Variants in NPAS1 observed in about 807,000 individuals in gnomAD.
NPAS1 encodes the protein neuronal PAS domain-containing protein 1.
Under a neutral mutation model 49.2 loss-of-function variants are expected in NPAS1, and 29 were observed. The observed-to-expected ratio is 0.59, with a 90% CI of 0.44 to 0.80. The LOEUF is 0.80. Among genes scored for constraint, NPAS1 ranks in the 30% least tolerant of loss-of-function variants. The pLI is 0.00. For synonymous variants in NPAS1, 408 were observed against 380.4 expected (o/e 1.07, Z -0.84); for missense variants, 825 against 835.5 (o/e 0.99, Z 0.15).
rs201170173 is a variant in NPAS1 at position 47,031,181 on chromosome 19, T to TTGTG, written c.359-1087_359-1084dup. On this transcript the variant is annotated intron_variant, in intron 3 of 11. Coordinates refer to ENST00000602212, the MANE Select transcript of NPAS1 (RefSeq NM_002517.4). ...GGTAATTCCATATTTGTTAGTTTCT[T>TTGTG]TGTGTGTGTGTGTTTTTTTTTTTTT... Among the ~76,000 whole-genome samples, 138 of 141,056 alleles carry TTGTG rather than the reference T, an allele frequency of 9.8e-4. 20 individuals carry two copies. Among genetic ancestry groups the TTGTG allele is most frequent in the Middle Eastern group, 3.5e-3 (1 of 282 alleles). The allele number at this position is 141,056 out of a possible 152,430, so 92.5% of individuals were successfully genotyped here.
At chr19:47,036,628 T>C (rs1444896151) in intron 6 of NPAS1, among the ~76,000 whole-genome samples, 2 of 151,470 alleles carry the variant, frequency 1.3e-5, no homozygotes, top group African/African-American at 4.9e-5. Context: ...CCCCAGCACT[T>C]TGGGAGGCCG....
chr19:47,022,521 C>T (rs1196082138), intron 3 of NPAS1, among the ~76,000 whole-genome samples: 1 of 152,028 alleles, frequency 6.6e-6, no homozygotes, highest in African/African-American at 2.4e-5. Context: ...CTGGAAGTGC[C>T]TAGCTCAGAG....
At position 47,020,902 on chromosome 19, in the gene NPAS1, C is replaced by A. The variant is rs990899204; in HGVS notation, c.-42-104C>A. ...ACTGAGGCATCATCCAGGCCCCCCC[C>A]CCCCCAGCTCCTTGCTGGGACCCTG... is the stretch of plus-strand genomic sequence containing the variant. On this transcript the variant is annotated intron_variant, in intron 1 of 11. Transcript: ENST00000602212. 1.4e-4 allele frequency: 58 copies of A among 405,114 alleles called. 3 individuals are homozygous for A. Among genetic ancestry groups the A allele is most frequent in the East Asian group, 2.8e-4 (7 of 24,740 alleles). 25.1% of individuals were successfully genotyped at this position (405,114 alleles called of 1,614,324 possible).
At chr19:47,038,990 G>A in intron 6 of NPAS1, 46 bp from the exon 7 acceptor site, 2 of 1,561,102 alleles carry the variant, frequency 1.3e-6, no homozygotes, top group Non-Finnish European at 1.8e-6. Context: ...TGGCCTGTGT[G>A]TTTCCTCTTC....
intron 7 of NPAS1, 77 bp downstream of exon 7, chr19:47,039,228 G>C: frequency 6.7e-7 from 1 of 1,487,558 alleles, no homozygotes; most frequent in East Asian, 2.3e-5. Context: ...GAACCAGGCT[G>C]GTGGCTTCAC....
At position 47,045,430 on chromosome 19, in the gene NPAS1, G is replaced by T. The variant is rs1568513284; in HGVS notation, c.1552G>T (p.Asp518Tyr). ...VRPWGLAPPG[D>Y]PPPTLLHAGF... ...GCCATGGGGCCTGGCGCCTCCCGGGGACCCCCCGCCCACCCTCCTGCACGC... is the reference window on the plus strand; with the variant it reads ...GCCATGGGGCCTGGCGCCTCCCGGGTACCCCCCGCCCACCCTCCTGCACGC... The change falls in exon 12 of 12, where the codon GAC becomes TAC. Residue 518 changes from aspartate (D) to tyrosine (Y), a missense_variant. Physicochemically the swap from Asp to Tyr is radical, Grantham distance 160. Coordinates refer to ENST00000602212, the MANE Select transcript of NPAS1 (RefSeq NM_002517.4). 6.2e-7 allele frequency: 1 copy of T among 1,605,064 alleles called. No homozygotes were observed. The highest frequency in any genetic ancestry group is 8.5e-7 in the Non-Finnish European group (1 of 1,176,628).
chr19:47,040,736 T>TG (rs1430075916), intron 9 of NPAS1, 186 bp downstream of exon 9: 12 of 584,588 alleles, frequency 2.1e-5, no homozygotes, highest in South Asian at 4.2e-5. Context: ...AGGATGTGTG[T>TG]GTGGGGGGGG....
At chr19:47,040,749 TCTGGGGGG>T in intron 9 of NPAS1, 199 bp downstream of exon 9, 1 of 561,190 alleles carries the variant, frequency 1.8e-6, no homozygotes, top group Non-Finnish European at 3.1e-6. Context: ...GGGGGGGGGG[TCTGGGGGG>T]CTGTGGGGTC....
chr19:47,032,037 G>C (rs949293631), intron 3 of NPAS1, among the ~76,000 whole-genome samples: 2 of 152,050 alleles, frequency 1.3e-5, no homozygotes, highest in African/African-American at 4.8e-5. Flanking sequence ...ATGGGTGGAT[G>C]AATGAATGAG....
At chr19:47,031,193 GTT>G (rs780068160) in intron 3 of NPAS1, among the ~76,000 whole-genome samples, 52 of 142,532 alleles carry the variant, frequency 3.6e-4, no homozygotes, top group Middle Eastern at 3.7e-3. Context: ...GTGTGTGTGT[GTT>G]TTTTTTTTTT....
chr19:47,023,066 AG>A (rs961076734), intron 3 of NPAS1, among the ~76,000 whole-genome samples: 7 of 152,178 alleles, frequency 4.6e-5, no homozygotes, highest in African/African-American at 1.2e-4. Flanking sequence ...CCAGGGGAAG[AG>A]GGGGGAGAGA....
intron 3 of NPAS1, among the ~76,000 whole-genome samples, chr19:47,023,707 CT>C (rs561034242): frequency 1.3e-5 from 2 of 152,288 alleles, no homozygotes; most frequent in Admixed American, 1.3e-4. Flanking sequence ...AATCCCAGCA[CT>C]TTGGGGCGCC....
Position 47,021,240 on chromosome 19 carries a change from C to G in NPAS1, c.122+71C>G. 1 of 1,366,180 alleles carries G rather than the reference C, an allele frequency of 7.3e-7. No individual in the cohort carries two copies. The highest frequency in any genetic ancestry group is 9.8e-7 in the Non-Finnish European group (1 of 1,021,262). 84.6% of individuals were successfully genotyped at this position (1,366,180 alleles called of 1,614,324 possible). A position where few individuals can be genotyped will look rare whatever the true frequency, so the allele number is the denominator to read the frequency against. On this transcript the variant is annotated intron_variant, in intron 2 of 11. Transcript: ENST00000602212. The surrounding 1 kb of genome is among the most constrained non-coding windows in gnomAD (Gnocchi z 5.7). ...CAATTCACACCCGATGTTCTGTCCC[C>G]GTGCCAAGGGGCAGTTCACACCCAG...
chr19:47,036,223 C>G, intron 6 of NPAS1, 94 bp downstream of exon 6: 1 of 1,304,032 alleles, frequency 7.7e-7, no homozygotes, highest in Non-Finnish European at 1.1e-6. Context: ...ATACAAATAG[C>G]AGTGAAGTTA....
At chr19:47,038,307 A>C (rs997347929) in intron 6 of NPAS1, among the ~76,000 whole-genome samples, 1 of 152,126 alleles carries the variant, frequency 6.6e-6, no homozygotes, top group African/African-American at 2.4e-5. Flanking sequence ...TCACGAGGTC[A>C]AGAGATTGAG....
In NPAS1 at chr19:47,034,041, AC is replaced by A. The variant is rs1228049101; in HGVS notation, c.522+1310del. Among the ~76,000 whole-genome samples the A allele has an allele frequency of 2.1e-5, 3 of 145,870 alleles. No homozygotes were observed. The Admixed American group carries it at 2.1e-4, about 10-fold the overall frequency. On this transcript the variant is annotated intron_variant, in intron 5 of 11. Transcript: ENST00000602212. ...AAAAAAGGGCCGGGCGCGGTGGCTC[AC>A]GCCTGTAATCCCAGCACTTTGGGAG...
chr19:47,042,805 C>A lies in NPAS1; in HGVS notation c.1218-5C>A. On this transcript the variant is annotated splice_polypyrimidine_tract_variant and splice_region_variant and intron_variant, in intron 10 of 11. Transcript: ENST00000602212. ...GGCTCCTAACCGCATCCATCTTCTC[C>A]CCAGCCAAGCCGAGGGTGGCCAAAC... The A allele has an allele frequency of 6.2e-7, 1 of 1,601,124 alleles. No individual in the cohort carries two copies. The highest frequency in any genetic ancestry group is 8.5e-7 in the Non-Finnish European group (1 of 1,173,936).
Position 47,021,833 on chromosome 19 carries a change from C to A in NPAS1, c.344C>A (p.Pro115Gln). 2.0e-6 allele frequency: 3 copies of A among 1,501,052 alleles called. No homozygotes were observed. The highest frequency in any genetic ancestry group is 1.8e-6 in the Non-Finnish European group (2 of 1,129,978). 93.0% of individuals were successfully genotyped at this position (1,501,052 alleles called of 1,614,324 possible). ...APPWGLRAAG[P>Q]PAGLAPGRRG... ...CCCTGGGGGCTGAGAGCCGCGGGGC[C>A]GCCAGCTGGCCTCGGTGAGTGCTCA... Residue 115 changes from proline to glutamine, a missense_variant, in exon 3 of 12, where the codon CCG becomes CAG. Coordinates refer to ENST00000602212, the MANE Select transcript of NPAS1 (RefSeq NM_002517.4). The surrounding 1 kb of genome is among the most constrained non-coding windows in gnomAD (Gnocchi z 5.7).
At chr19:47,038,090 G>C (rs2056976985) in intron 6 of NPAS1, among the ~76,000 whole-genome samples, 2 of 152,196 alleles carry the variant, frequency 1.3e-5, no homozygotes, top group Non-Finnish European at 1.5e-5. Context: ...GGTCAGGGAG[G>C]GCTTCTTGGA....
Sources: allele counts gnomAD v4.1 joint callset (sites outside exome capture counted in the v4.1 genomes callset), GRCh38; gene constraint gnomAD v4.1.1; non-coding constraint Gnocchi (gnomAD v3.1); transcripts MANE v1.5; gene names NCBI Gene and HGNC (gene_info 2026-07-23, HGNC 2026-07-21).